Variants in GRIP2 observed in about 807,000 individuals in gnomAD.
GRIP2 encodes glutamate receptor interacting protein 2, also known as glutamate receptor-interacting protein 2.
A neutral mutation model predicts 108.3 loss-of-function variants in GRIP2; 58 were observed. The observed-to-expected ratio is 0.54, with a 90% CI of 0.43 to 0.67. The LOEUF is 0.67. Among genes scored for constraint, GRIP2 ranks in the 30% least tolerant of loss-of-function variants. GRIP2 has a pLI of 0.00. For missense variants in GRIP2, 1,278 were observed against 1,430.6 expected (o/e 0.89, Z 1.72); for synonymous variants, 586 against 598.2 (o/e 0.98, Z 0.30).
upstream of GRIP2, among the ~76,000 whole-genome samples, chr3:14,557,877 C>T (rs1285945995): frequency 6.6e-6 from 1 of 152,250 alleles, no homozygotes; most frequent in Non-Finnish European, 1.5e-5. Context: ...CCTCATCTGA[C>T]AGATGGGGCT....
chr3:14,557,532 CAG>C (rs968847155), upstream of GRIP2, among the ~76,000 whole-genome samples: 1 of 152,244 alleles, frequency 6.6e-6, no homozygotes, highest in Admixed American at 6.5e-5. Context: ...CTCCTTTACA[CAG>C]ACTCTGCTGA....
chr3:14,591,228 C>T, the GRIP2 span, among the ~76,000 whole-genome samples: 1 of 152,210 alleles, frequency 6.6e-6, no homozygotes, highest in Non-Finnish European at 1.5e-5. Context: ...ACTCCAATTC[C>T]CCAGCCCCAG....
chr3:14,497,308 G>A (rs1205202422), intron 21 of GRIP2, among the ~76,000 whole-genome samples: 2 of 151,990 alleles, frequency 1.3e-5, no homozygotes, highest in Non-Finnish European at 2.9e-5. Flanking sequence ...ATTGCTAATC[G>A]CCAACATAAA....
At chr3:14,574,046 C>A in the GRIP2 span, 2 of 1,502,006 alleles carry the variant, frequency 1.3e-6, no homozygotes, top group Non-Finnish European at 1.8e-6. Context: ...TCCAGAAGTT[C>A]TCCTGCTGCA....
Position 14,521,714 on chromosome 3 carries a change from T to C in GRIP2, c.640A>G (p.Thr214Ala), listed in dbSNP as rs1206233185. 1.2e-6 allele frequency: 2 copies of C among 1,610,732 alleles called. No homozygotes were observed. The highest frequency in any genetic ancestry group is 2.2e-5 in the South Asian group (2 of 90,344). The change falls in exon 7 of 24, where the codon ACC becomes GCC. Residue 214 changes from threonine to alanine, a missense_variant. By Grantham distance (58) the Thr-to-Ala change is moderately conservative. Coordinates refer to ENST00000621039, the MANE Select transcript of GRIP2 (RefSeq NM_001080423.4). This position sits in a 1 kb window ranked among gnomAD's most constrained non-coding sequence, Gnocchi z 5.1. ...CACTGCCGCAGGGTGGCCAGGGCGG[T>C]GGCATGGCTGGCCCCGTGCAGCGGG... is the stretch of plus-strand genomic sequence containing the variant. ...GIPLHGASHA[T>A]ALATLRQCSH...
Position 14,511,464 on chromosome 3 carries a change from C to T in GRIP2, c.1736G>A (p.Arg579Gln), listed in dbSNP as rs369295468. The change falls in exon 15 of 24, where the codon CGA (arginine) becomes CAA (glutamine). Residue 579 changes from arginine (R) to glutamine (Q), a missense_variant. Coordinates refer to ENST00000621039, the MANE Select transcript of GRIP2 (RefSeq NM_001080423.4). This position sits in a 1 kb window ranked among gnomAD's most constrained non-coding sequence, Gnocchi z 4.1. ...GITISSASRK[R>Q]GEPLIISDIK... ...GTCGGAGATGATCAAGGGCTCCCCTCGTTTCCTGCTGGCCGCTGGAGAAAA... is the reference window on the plus strand; with the variant it reads ...GTCGGAGATGATCAAGGGCTCCCCTTGTTTCCTGCTGGCCGCTGGAGAAAA... The T allele has an allele frequency of 9.9e-6, 16 of 1,613,432 alleles. No individual in the cohort carries two copies. Among genetic ancestry groups the T allele is most frequent in the Non-Finnish European group, 1.4e-5 (16 of 1,179,880 alleles).
upstream of GRIP2, among the ~76,000 whole-genome samples, chr3:14,544,845 G>C (rs1695033883): frequency 6.6e-6 from 1 of 152,208 alleles, no homozygotes. Context: ...CCAGCCACAG[G>C]GGAGGGGCAC....
chr3:14,564,929 G>A, the GRIP2 span, among the ~76,000 whole-genome samples: 9 of 152,280 alleles, frequency 5.9e-5, no homozygotes, highest in East Asian at 9.7e-4. Context: ...AAACACAGAC[G>A]CGCCTCTTGC....
At chr3:14,520,005 A>G in intron 9 of GRIP2, 105 bp downstream of exon 9, 1 of 1,088,906 alleles carries the variant, frequency 9.2e-7, no homozygotes, top group Non-Finnish European at 1.3e-6. Context: ...TTGTCCTAGT[A>G]CATTTTAGCC....
intron 1 of GRIP2, among the ~76,000 whole-genome samples, chr3:14,537,661 C>T (rs1694865659): frequency 6.6e-6 from 1 of 152,366 alleles, no homozygotes; most frequent in African/African-American, 2.4e-5. Flanking sequence ...ATGGCCACAG[C>T]CCCTGCTGTG....
At chr3:14,588,047 A>G in the GRIP2 span, among the ~76,000 whole-genome samples, 5 of 152,238 alleles carry the variant, frequency 3.3e-5, no homozygotes, top group African/African-American at 9.6e-5. Flanking sequence ...TAGAAGATAA[A>G]TGTAAATGGA....
At chr3:14,574,908 G>T in the GRIP2 span, 1 of 221,048 alleles carries the variant, frequency 4.5e-6, no homozygotes, top group East Asian at 1.4e-4. Flanking sequence ...CATATACGCT[G>T]TATTATTCCA....
At chr3:14,549,028 C>T (rs1001491535) in intron 1 of GRIP2, among the ~76,000 whole-genome samples, 2 of 152,236 alleles carry the variant, frequency 1.3e-5, no homozygotes, top group African/African-American at 2.4e-5. Context: ...TCAGCCCTTC[C>T]TCCACCTGTT....
In GRIP2 at chr3:14,507,630, T is replaced by G; in HGVS notation, c.2149A>C (p.Ser717Arg). 6.2e-7 allele frequency: 1 copy of G among 1,614,006 alleles called. No homozygotes were observed. ...NNVSLKGRPL[S>R]EAIHLLQVAG... ...ACCTGCAGGAGGTGGATGGCCTCGC[T>G]CAGCGGCCGGCCCTTGAGGCTAACG... Residue 717 changes from serine (S) to arginine (R), a missense_variant, in exon 18 of 24, where the codon AGC (serine) becomes CGC (arginine). Ser to Arg is a moderately radical substitution (Grantham distance 110, BLOSUM62 -1). Transcript: ENST00000621039. This position sits in a 1 kb window ranked among gnomAD's most constrained non-coding sequence, Gnocchi z 4.6.
the GRIP2 span, among the ~76,000 whole-genome samples, chr3:14,563,625 G>A: frequency 1.3e-5 from 2 of 152,124 alleles, no homozygotes; most frequent in African/African-American, 4.8e-5. Context: ...GGCTGCTAGA[G>A]GGAGAAGGCA....
the GRIP2 span, among the ~76,000 whole-genome samples, chr3:14,599,681 C>CTGTGTGTG: frequency 1.2e-3 from 162 of 130,568 alleles, no homozygotes; most frequent in African/African-American, 4.4e-3. Context: ...CTCTCTCTCT[C>CTGTGTGTG]TCTCTGTGTG....
the GRIP2 span, among the ~76,000 whole-genome samples, chr3:14,567,404 C>T: frequency 6.6e-6 from 1 of 152,162 alleles, no homozygotes; most frequent in Non-Finnish European, 1.5e-5. Flanking sequence ...ACCCTGCATG[C>T]CTCTGGGCTG....
Position 14,505,500 on chromosome 3 carries a change from C to T in GRIP2, c.2573+115G>A. ...TGCTTCTCTCCCAGGAGGCACCCCT[C>T]CTCAGGAGCCCGCCAAGACTCTCCA... is the stretch of plus-strand genomic sequence containing the variant. On this transcript the variant is annotated intron_variant, in intron 20 of 23. Coordinates refer to ENST00000621039, the MANE Select transcript of GRIP2 (RefSeq NM_001080423.4). This position sits in a 1 kb window ranked among gnomAD's most constrained non-coding sequence, Gnocchi z 4.2. 2 of 1,214,834 alleles carry T rather than the reference C, an allele frequency of 1.6e-6. No homozygotes were observed. Among genetic ancestry groups the T allele is most frequent in the South Asian group, 2.9e-5 (2 of 67,922 alleles). The allele number at this position is 1,214,834 out of a possible 1,614,324, so 75.3% of individuals were successfully genotyped here. A position where few individuals can be genotyped will look rare whatever the true frequency, so the allele number is the denominator to read the frequency against.
At chr3:14,574,312 G>T in the GRIP2 span, 1 of 1,000,534 alleles carries the variant, frequency 1.0e-6, no homozygotes, top group Non-Finnish European at 1.6e-6. Context: ...CCATACAGCC[G>T]CTTCTCCCGG....
Sources: gnomAD v4.1 joint callset for allele counts (sites outside exome capture counted in the v4.1 genomes callset) on GRCh38, gnomAD v4.1.1 for gene constraint, Gnocchi (gnomAD v3.1) non-coding constraint, MANE v1.5 for transcripts, NCBI Gene and HGNC (gene_info 2026-07-23, HGNC 2026-07-21) for gene names.